The following PRNP variants were observed in gnomAD, a reference collection of about 807,000 sequenced individuals.
PRNP encodes the protein major prion protein.
In PRNP, 15 loss-of-function variants were observed where a neutral mutation model predicts 21.3. The ratio of observed to expected loss-of-function variants is 0.71; its 90% confidence interval spans 0.47 to 1.09. The LOEUF is 1.09. PRNP is among the 50% of genes least tolerant of loss of function. The pLI, the probability that PRNP is intolerant of heterozygous loss-of-function variation, is 0.00. For missense variants in PRNP, 285 were observed against 340.9 expected, an observed-to-expected ratio of 0.84 and a Z score of 1.29; for synonymous variants, 121 against 123.1, an observed-to-expected ratio of 0.98 and a Z score of 0.11.
Position 4,699,890 on chromosome 20 carries a change from G to T in PRNP, c.670G>T (p.Ala224Ser). ...CITQYERESQAYYQRGSSMVL... is the reference protein window; with the variant it reads ...CITQYERESQSYYQRGSSMVL... ...CACCCAGTACGAGAGGGAATCTCAG[G>T]CCTATTACCAGAGAGGATCGAGCAT... Residue 224 changes from alanine (A) to serine (S), a missense_variant, in exon 2 of 2, where the codon GCC becomes TCC. Ala to Ser is a moderately conservative substitution (Grantham distance 99). Coordinates refer to ENST00000379440, the MANE Select transcript of PRNP (RefSeq NM_000311.5). The surrounding 1 kb of genome is among the most constrained non-coding windows in gnomAD (Gnocchi z 5.8). The T allele has an allele frequency of 6.2e-7, 1 of 1,613,752 alleles. No homozygotes were observed. The highest frequency in any genetic ancestry group is 8.5e-7 in the Non-Finnish European group (1 of 1,179,948).
chr20:4,686,772 T>G lies in PRNP; in HGVS notation c.-11+260T>G, dbSNP rs1921466478. ...CTCCCTTTACTGCGCGTTGGGGGGC[T>G]GGGGGAGCTGGCGGAGCCCCGTTAG... On this transcript the variant is annotated intron_variant, in intron 1 of 1. Transcript: ENST00000379440. The surrounding 1 kb of genome is among the most constrained non-coding windows in gnomAD (Gnocchi z 6.7). 1 of 151,762 alleles carries G rather than the reference T, an allele frequency of 6.6e-6. No individual in the cohort carries two copies. The highest frequency in any genetic ancestry group is 1.5e-5 in the Non-Finnish European group (1 of 68,038). The allele number at this position is 151,762 out of a possible 1,614,324, so 9.4% of individuals were successfully genotyped here. A position where few individuals can be genotyped will look rare whatever the true frequency, so the allele number is the denominator to read the frequency against.
chr20:4,688,413 G>A (rs116063597), intron 1 of PRNP, among the ~76,000 whole-genome samples: 325 of 152,202 alleles, frequency 2.1e-3, no homozygotes, highest in Middle Eastern at 0.01. Context: ...TACTTTCTGC[G>A]TCTGTATGTA....
chr20:4,689,120 T>A (rs1921663454), intron 1 of PRNP, among the ~76,000 whole-genome samples: 1 of 152,216 alleles, frequency 6.6e-6, no homozygotes, highest in Non-Finnish European at 1.5e-5. Context: ...ATTCTAGTTT[T>A]TTGTTGTTGT....
intron 1 of PRNP, among the ~76,000 whole-genome samples, chr20:4,688,750 T>TTA (rs1921633324): frequency 6.6e-6 from 1 of 152,174 alleles, no homozygotes; most frequent in South Asian, 2.1e-4. Context: ...AAAAAGTGGG[T>TTA]TATTAACTGC....
intron 1 of PRNP, among the ~76,000 whole-genome samples, chr20:4,687,425 C>T (rs1160737734): frequency 6.6e-6 from 1 of 152,214 alleles, no homozygotes; most frequent in Non-Finnish European, 1.5e-5. Context: ...TGGGGGGCTC[C>T]AAGGAACAAC....
intron 1 of PRNP, among the ~76,000 whole-genome samples, chr20:4,693,504 C>G (rs1921962522): frequency 6.6e-6 from 1 of 152,058 alleles, no homozygotes. Context: ...TACTAAGACC[C>G]TTTAATGGCT....
At chr20:4,692,113 G>A (rs6084833) in intron 1 of PRNP, among the ~76,000 whole-genome samples, 7,683 of 152,248 alleles carry the variant, frequency 0.05, 222 homozygotes, top group Admixed American at 0.085. Context: ...TGTTTACTTT[G>A]TAGATTATTT....
chr20:4,700,317 C>CTGTTAAT lies in PRNP; in HGVS notation c.*335_*336insTGTTAAT. 1.9e-6 allele frequency: 1 copy of CTGTTAAT among 528,936 alleles called. No homozygotes were observed. The highest frequency in any genetic ancestry group is 3.4e-6 in the Non-Finnish European group (1 of 290,902). 32.8% of individuals were successfully genotyped at this position (528,936 alleles called of 1,614,324 possible). A position where few individuals can be genotyped will look rare whatever the true frequency, so the allele number is the denominator to read the frequency against. On this transcript the variant is annotated 3_prime_UTR_variant, in exon 2 of 2. Transcript: ENST00000379440. This position sits in a 1 kb window ranked among gnomAD's most constrained non-coding sequence, Gnocchi z 4.1. ...ACAAATCTCAGAACAGTCTGAAATACCTTTGCCTGGATACCTCTGGCTCCT... is the reference window on the plus strand; with the variant it reads ...ACAAATCTCAGAACAGTCTGAAATACTGTTAATCTTTGCCTGGATACCTCTGGCTCCT...
At chr20:4,690,172 G>C (rs1020337635) in intron 1 of PRNP, among the ~76,000 whole-genome samples, 3 of 152,110 alleles carry the variant, frequency 2.0e-5, no homozygotes, top group African/African-American at 7.2e-5. Flanking sequence ...CTTACATCAA[G>C]TTCTTTATGA....
At chr20:4,688,217 A>G (rs1568528848) in intron 1 of PRNP, among the ~76,000 whole-genome samples, 1 of 152,226 alleles carries the variant, frequency 6.6e-6, no homozygotes, top group East Asian at 1.9e-4. Context: ...AATAACCAAA[A>G]TAATTAATAG....
rs567225706 is a variant in PRNP, at chr20:4,696,817, T to A, written c.-10-2394T>A. Among the ~76,000 whole-genome samples the A allele has an allele frequency of 2.0e-5, 3 of 152,328 alleles. No homozygotes were observed. The South Asian group carries it at 6.2e-4, about 32-fold the overall frequency. On this transcript the variant is annotated intron_variant, in intron 1 of 1. Coordinates refer to ENST00000379440, the MANE Select transcript of PRNP (RefSeq NM_000311.5). ...TCTTAGATGTATAGGCCCCCAGACA[T>A]GCCAGTGTCCTCTCTCACCACCCAT...
In PRNP at chr20:4,697,365, G is replaced by A. The variant is rs191096783; in HGVS notation, c.-10-1846G>A. Among the ~76,000 whole-genome samples, 24 of 152,282 alleles carry A rather than the reference G, an allele frequency of 1.6e-4. No homozygotes were observed. The highest frequency in any genetic ancestry group is 3.4e-3 in the Middle Eastern group (1 of 292). ...CCGCCCTAAAGGAGCCTGCACTCCC[G>A]TGGAGAACATGAATAATAAGCACAG... On this transcript the variant is annotated intron_variant, in intron 1 of 1. Transcript: ENST00000379440. This position sits in a 1 kb window ranked among gnomAD's most constrained non-coding sequence, Gnocchi z 4.6.
At position 4,700,016 on chromosome 20, in the gene PRNP, C is replaced by CT. The variant is rs1465156853; in HGVS notation, c.*39dup. 1 of 1,568,078 alleles carries CT rather than the reference C, an allele frequency of 6.4e-7. No individual in the cohort carries two copies. The highest frequency in any genetic ancestry group is 1.4e-5 in the African/African-American group (1 of 73,556). ...TTCCTGTTTTCACCATCTTTCTAAT[C>CT]TTTTTCCAGCTTGAGGGAGGCGGTA... On this transcript the variant is annotated 3_prime_UTR_variant, in exon 2 of 2. Coordinates refer to ENST00000379440, the MANE Select transcript of PRNP (RefSeq NM_000311.5). The surrounding 1 kb of genome is among the most constrained non-coding windows in gnomAD (Gnocchi z 4.1).
rs746526977 is a variant in PRNP, at chr20:4,699,703, G to A, written c.483G>A (p.Val161=). The A allele has an allele frequency of 5.0e-6, 8 of 1,613,930 alleles. No homozygotes were observed. Among genetic ancestry groups the A allele is most frequent in the Non-Finnish European group, 6.8e-6 (8 of 1,180,018 alleles). ...RENMHRYPNQ[V]YYRPMDEYSN... ...ACATGCACCGTTACCCCAACCAAGTGTACTACAGGCCCATGGATGAGTACA... is the reference window on the plus strand; with the variant it reads ...ACATGCACCGTTACCCCAACCAAGTATACTACAGGCCCATGGATGAGTACA... The change falls in exon 2 of 2, where the codon GTG becomes GTA. Residue 161 remains valine (V), a synonymous_variant. Transcript: ENST00000379440. The surrounding 1 kb of genome is among the most constrained non-coding windows in gnomAD (Gnocchi z 5.8).
chr20:4,694,486 A>G (rs924127577), intron 1 of PRNP, among the ~76,000 whole-genome samples: 1 of 152,228 alleles, frequency 6.6e-6, no homozygotes, highest in Non-Finnish European at 1.5e-5. Context: ...TCATTAAGGA[A>G]AGTTGCATAA....
At chr20:4,690,747 A>T (rs1921771566) in intron 1 of PRNP, among the ~76,000 whole-genome samples, 1 of 152,242 alleles carries the variant, frequency 6.6e-6, no homozygotes, top group Admixed American at 6.5e-5. Flanking sequence ...TTTTCCTCTA[A>T]GATCTGAAAC....
At position 4,686,622 on chromosome 20, in the gene PRNP, T is replaced by TCGGGACCCCAGTGAGGAGGGGC. The variant is rs1921451266; in HGVS notation, c.-11+115_-11+136dup. 1.3e-5 allele frequency: 2 copies of TCGGGACCCCAGTGAGGAGGGGC among 151,120 alleles called. No individual in the cohort carries two copies. Among genetic ancestry groups the TCGGGACCCCAGTGAGGAGGGGC allele is most frequent in the Non-Finnish European group, 3.0e-5 (2 of 67,778 alleles). 9.4% of individuals were successfully genotyped at this position (151,120 alleles called of 1,614,324 possible). A position where few individuals can be genotyped will look rare whatever the true frequency, so the allele number is the denominator to read the frequency against. ...CGCAAGGGTGCCCGGCCGGGCGGGG[T>TCGGGACCCCAGTGAGGAGGGGC]CGGGACCCCAGTGAGGAGGGGCCGG... On this transcript the variant is annotated intron_variant, in intron 1 of 1. Transcript: ENST00000379440. The surrounding 1 kb of genome is among the most constrained non-coding windows in gnomAD (Gnocchi z 6.7).
intron 1 of PRNP, among the ~76,000 whole-genome samples, chr20:4,696,238 A>G (rs1400532785): frequency 6.6e-6 from 1 of 152,208 alleles, no homozygotes; most frequent in Non-Finnish European, 1.5e-5. Flanking sequence ...AGGATAATGG[A>G]CATCTTTATA....
chr20:4,692,441 G>C (rs1160838537), intron 1 of PRNP, among the ~76,000 whole-genome samples: 1 of 152,144 alleles, frequency 6.6e-6, no homozygotes, highest in Non-Finnish European at 1.5e-5. Context: ...ATTATACCTA[G>C]ATGAATTTAT....
Sources: gnomAD v4.1 joint callset for allele counts (sites outside exome capture counted in the v4.1 genomes callset) on GRCh38, gnomAD v4.1.1 for gene constraint, Gnocchi (gnomAD v3.1) non-coding constraint, MANE v1.5 for transcripts, NCBI Gene and HGNC (gene_info 2026-07-23, HGNC 2026-07-21) for gene names.